CADPS: variants seen among roughly 807,000 people sequenced by gnomAD.
CADPS encodes the protein calcium dependent secretion activator, also known as calcium-dependent secretion activator 1.
In CADPS, 57 loss-of-function variants were observed where a neutral mutation model predicts 167.3. The observed-to-expected ratio is 0.34, with a 90% CI of 0.28 to 0.42. CADPS has a LOEUF of 0.42. Among genes scored for constraint, CADPS ranks in the 20% least tolerant of loss-of-function variants. The pLI is 1.00. For synonymous variants in CADPS, 676 were observed against 635.3 expected (o/e 1.06, Z -0.96); for missense variants, 1,414 against 1,738.1 (o/e 0.81, Z 3.32).
chr3:62,585,162 C>A, intron 8 of CADPS, 23 bp downstream of exon 8: 1 of 1,610,668 alleles, frequency 6.2e-7, no homozygotes, highest in Non-Finnish European at 8.5e-7. Flanking sequence ...TCCAAAACTG[C>A]TAGTTGGGGA....
chr3:62,624,519 A>T (rs2063697490), intron 6 of CADPS, among the ~76,000 whole-genome samples: 1 of 151,966 alleles, frequency 6.6e-6, no homozygotes, highest in African/African-American at 2.4e-5. Flanking sequence ...CCTATTCCAA[A>T]ATGTCTCCAG....
At chr3:62,485,949 C>A (rs893794197) in intron 21 of CADPS, among the ~76,000 whole-genome samples, 1 of 152,022 alleles carries the variant, frequency 6.6e-6, no homozygotes, top group South Asian at 2.1e-4. Flanking sequence ...GGTCACCCAG[C>A]AAATTATTGG....
At chr3:62,832,547 C>T (rs187802117) in intron 1 of CADPS, among the ~76,000 whole-genome samples, 338 of 152,292 alleles carry the variant, frequency 2.2e-3, no homozygotes, top group Middle Eastern at 6.8e-3. Flanking sequence ...GTAGAGAATA[C>T]ATTTGACCTG....
At chr3:62,419,839 A>G (rs547694757) in intron 28 of CADPS, among the ~76,000 whole-genome samples, 1 of 152,286 alleles carries the variant, frequency 6.6e-6, no homozygotes, top group African/African-American at 2.4e-5. Flanking sequence ...ACAGAACGGA[A>G]AGATAAAGTG....
intron 3 of CADPS, among the ~76,000 whole-genome samples, chr3:62,694,371 T>C (rs912119342): frequency 6.6e-6 from 1 of 152,090 alleles, no homozygotes; most frequent in African/African-American, 2.4e-5. Context: ...ACTAATTCTA[T>C]CACTGTCAAT....
At chr3:62,659,754 G>T (rs559609159) in intron 4 of CADPS, among the ~76,000 whole-genome samples, 1 of 152,288 alleles carries the variant, frequency 6.6e-6, no homozygotes, top group Admixed American at 6.5e-5. Context: ...GAAACTGACT[G>T]CTTCCACCTG....
intron 28 of CADPS, among the ~76,000 whole-genome samples, chr3:62,437,036 T>C (rs2149738152): frequency 6.6e-6 from 1 of 151,478 alleles, no homozygotes; most frequent in South Asian, 2.1e-4. Flanking sequence ...TCAATGTAAA[T>C]TGCTGAACAC....
At chr3:62,707,415 T>C (rs533985386) in intron 3 of CADPS, among the ~76,000 whole-genome samples, 2 of 152,204 alleles carry the variant, frequency 1.3e-5, no homozygotes, top group East Asian at 1.9e-4. Context: ...GGGGACAAAA[T>C]TCATAGGACT....
chr3:62,464,757 G>A (rs1302962853), intron 26 of CADPS, among the ~76,000 whole-genome samples: 3 of 152,130 alleles, frequency 2.0e-5, no homozygotes, highest in Non-Finnish European at 4.4e-5. Context: ...GTATGTGAAT[G>A]AGTGAAACAG....
intron 28 of CADPS, among the ~76,000 whole-genome samples, chr3:62,422,656 G>C (rs931447602): frequency 1.3e-5 from 2 of 152,024 alleles, no homozygotes; most frequent in African/African-American, 4.8e-5. Context: ...AGGCATTATT[G>C]GATAATGACC....
At chr3:62,649,105 C>G (rs1047141278) in intron 5 of CADPS, among the ~76,000 whole-genome samples, 1 of 152,176 alleles carries the variant, frequency 6.6e-6, no homozygotes, top group Non-Finnish European at 1.5e-5. Context: ...ATATTCTAAT[C>G]AACTGCACAG....
intron 3 of CADPS, among the ~76,000 whole-genome samples, chr3:62,690,449 C>T (rs1480267381): frequency 6.6e-6 from 1 of 151,940 alleles, no homozygotes; most frequent in African/African-American, 2.4e-5. Context: ...ATGAGCCCTG[C>T]TCTAGATAGG....
At chr3:62,790,116 T>C (rs1363913386) in intron 1 of CADPS, among the ~76,000 whole-genome samples, 1 of 152,138 alleles carries the variant, frequency 6.6e-6, no homozygotes, top group Non-Finnish European at 1.5e-5. Context: ...TATAATGAAA[T>C]AATACTTCAG....
intron 28 of CADPS, among the ~76,000 whole-genome samples, chr3:62,436,328 A>T (rs1234754450): frequency 1.3e-5 from 2 of 152,172 alleles, no homozygotes; most frequent in Non-Finnish European, 2.9e-5. Flanking sequence ...ACACACACAC[A>T]CGTACACACG....
intron 6 of CADPS, among the ~76,000 whole-genome samples, chr3:62,642,019 G>A (rs919596430): frequency 6.6e-6 from 1 of 151,590 alleles, no homozygotes; most frequent in East Asian, 2.0e-4. Context: ...TGAAGGATGT[G>A]TAATGTCAAT....
intron 3 of CADPS, among the ~76,000 whole-genome samples, chr3:62,668,681 A>G (rs2074947672): frequency 6.6e-6 from 1 of 152,142 alleles, no homozygotes; most frequent in African/African-American, 2.4e-5. Flanking sequence ...TTTGCCTACT[A>G]GGCTGTAAGC....
intron 21 of CADPS, among the ~76,000 whole-genome samples, chr3:62,483,112 C>A (rs1164594516): frequency 2.0e-5 from 3 of 151,968 alleles, no homozygotes; most frequent in Non-Finnish European, 4.4e-5. Context: ...CCCAGCCTAA[C>A]TCTGCATCTG....
At chr3:62,658,049 G>A (rs1039560908) in intron 4 of CADPS, among the ~76,000 whole-genome samples, 3 of 152,156 alleles carry the variant, frequency 2.0e-5, no homozygotes, top group African/African-American at 7.2e-5. Flanking sequence ...GTTTCCAGGA[G>A]GGGGAACCAG....
chr3:62,825,159 C>T (rs774143767), intron 1 of CADPS, among the ~76,000 whole-genome samples: 118 of 152,174 alleles, frequency 7.8e-4, no homozygotes, highest in Non-Finnish European at 1.4e-3. Flanking sequence ...CAGGAAGTTC[C>T]GTCAGTTTCT....
Sources: allele counts gnomAD v4.1 joint callset (sites outside exome capture counted in the v4.1 genomes callset), GRCh38; gene constraint gnomAD v4.1.1; transcripts MANE v1.5; gene names NCBI Gene and HGNC (gene_info 2026-07-23, HGNC 2026-07-21).